Variants in REPS2 observed in about 807,000 individuals in gnomAD.
REPS2 encodes RALBP1 associated Eps domain containing 2.
In REPS2, 23 loss-of-function variants were observed where a neutral mutation model predicts 53.6. The ratio of observed to expected loss-of-function variants is 0.43; its 90% CI spans 0.31 to 0.61. The LOEUF (loss-of-function observed/expected upper bound fraction) is 0.61. Ranked by LOEUF, REPS2 falls within the 20% of genes least tolerant of loss-of-function variation. The probability of loss-of-function intolerance (pLI) is 0.11; values close to 1 mark genes in which losing one functional copy is unlikely to be tolerated. For synonymous variants in REPS2, 238 were observed against 218.6 expected, an observed-to-expected ratio of 1.09 and a Z score of -0.78; for missense variants, 446 against 534.9, an observed-to-expected ratio of 0.83 and a Z score of 1.64.
rs758203012 is a variant in REPS2, at chrX:17,097,026, G to A, written c.1517-6692G>A. ...GTGAAGCTCAAGCAAGTGATAAAAT[G>A]ATGGTAGAGAAATACATGTGCAGAC... On this transcript the variant is annotated intron_variant, in intron 13 of 17. Transcript: ENST00000357277. 3.6e-5 allele frequency among the ~76,000 whole-genome samples: 4 copies of A among 112,258 alleles called. No individual in the cohort carries two copies. In the East Asian group the frequency reaches 8.4e-4, roughly 24 times the overall value.
At chrX:17,103,687 G>T (rs756884325) in intron 13 of REPS2, 31 bp from the exon 14 acceptor site, 1 of 1,189,060 alleles carries the variant, frequency 8.4e-7, no homozygotes, top group African/African-American at 1.8e-5. Flanking sequence ...TTTGGGGGGT[G>T]ATCCTTAATA....
rs758869295 is a variant in REPS2, at chrX:16,986,427, ATTAG to A, written c.274-19788_274-19785del. ...TTTTGTTTCTGTGCTACATACTGGT[ATTAG>A]TTAGTAGGACACTGGGATCTAAAAG... On this transcript the variant is annotated intron_variant, in intron 1 of 17. Coordinates refer to ENST00000357277, the MANE Select transcript of REPS2 (RefSeq NM_004726.3). Among the ~76,000 whole-genome samples, 5 of 112,207 alleles carry A rather than the reference ATTAG, an allele frequency of 4.5e-5. No homozygotes were observed. In the East Asian group the frequency reaches 1.4e-3, roughly 31 times the overall value.
chrX:17,077,128 TGG>T (rs2062391292), intron 12 of REPS2, 141 bp from the exon 13 acceptor site: 1 of 555,905 alleles, frequency 1.8e-6, no homozygotes, highest in African/African-American at 2.3e-5. Flanking sequence ...TGGCATTCAA[TGG>T]GTAATAGAAT....
At chrX:16,983,538 T>C (rs2061048776) in intron 1 of REPS2, among the ~76,000 whole-genome samples, 2 of 112,485 alleles carry the variant, frequency 1.8e-5, no homozygotes, top group Non-Finnish European at 3.8e-5. Context: ...GATCTCACTG[T>C]GTTGCCCAGA....
chrX:17,143,105 T>A (rs2063467665), intron 17 of REPS2, among the ~76,000 whole-genome samples: 1 of 111,615 alleles, frequency 9.0e-6, no homozygotes. Flanking sequence ...TTGACATTCT[T>A]GAAAAGGTAA....
chrX:16,999,222 A>G (rs761294515), intron 1 of REPS2, among the ~76,000 whole-genome samples: 1 of 111,929 alleles, frequency 8.9e-6, no homozygotes, highest in African/African-American at 3.3e-5. Context: ...GACCATATAC[A>G]TGTGTCATTT....
chrX:16,951,031 G>A (rs562293738), intron 1 of REPS2, among the ~76,000 whole-genome samples: 1 of 112,074 alleles, frequency 8.9e-6, no homozygotes, highest in Admixed American at 9.4e-5. Context: ...AGGCAACAGA[G>A]CAAAACCCTG....
Position 16,951,537 on chromosome X carries a change from ACACACACACACACACACACACACC to A in REPS2, c.273+4405_273+4428del, listed in dbSNP as rs1460097816. Among the ~76,000 whole-genome samples, 32 of 54,416 alleles carry A rather than the reference ACACACACACACACACACACACACC, an allele frequency of 5.9e-4. 1 individual carries two copies. The highest frequency in any genetic ancestry group is 1.2e-3 in the South Asian group (1 of 811). 47.3% of individuals were successfully genotyped at this position (54,416 alleles called of 115,157 possible). A position where few individuals can be genotyped will look rare whatever the true frequency, so the allele number is the denominator to read the frequency against. On this transcript the variant is annotated intron_variant, in intron 1 of 17. Transcript: ENST00000357277. ...CACACACACACACACACACACACAC[ACACACACACACACACACACACACC>A]CCCGCTACCTACCTCTCTCTGGGGC... is the stretch of plus-strand genomic sequence containing the variant.
chrX:17,180,115 G>A, the REPS2 span, among the ~76,000 whole-genome samples: 2 of 111,705 alleles, frequency 1.8e-5, no homozygotes, highest in Non-Finnish European at 3.8e-5. Context: ...AGATACATCA[G>A]CAATATATGG....
At chrX:16,965,470 G>A (rs1352981509) in intron 1 of REPS2, among the ~76,000 whole-genome samples, 2 of 111,186 alleles carry the variant, frequency 1.8e-5, no homozygotes, top group Admixed American at 9.3e-5. Flanking sequence ...CTTCTCAGAC[G>A]GGGCAGCTGC....
intron 5 of REPS2, among the ~76,000 whole-genome samples, chrX:17,043,941 C>T (rs990615085): frequency 8.9e-5 from 10 of 112,119 alleles, no homozygotes; most frequent in Non-Finnish European, 1.7e-4. Context: ...AAACATCTTA[C>T]CCCTGAGGAG....
intron 5 of REPS2, chrX:17,044,241 G>T (rs753516469): frequency 6.3e-5 from 7 of 111,762 alleles, no homozygotes; most frequent in African/African-American, 2.0e-4. Context: ...GGCTGACAGG[G>T]ACAGCTAAGC....
chrX:17,007,993 T>C (rs1009047888), intron 2 of REPS2, among the ~76,000 whole-genome samples: 3 of 112,600 alleles, frequency 2.7e-5, no homozygotes, highest in Non-Finnish European at 5.6e-5. Context: ...ATTTTTTCTA[T>C]TTAGTAAGAT....
At chrX:16,971,324 A>G (rs1435593505) in intron 1 of REPS2, among the ~76,000 whole-genome samples, 1 of 112,334 alleles carries the variant, frequency 8.9e-6, no homozygotes, top group Non-Finnish European at 1.9e-5. Context: ...TCGTTTGTCC[A>G]TTTTAAATTG....
chrX:17,063,796 G>T (rs1365489872), intron 9 of REPS2, among the ~76,000 whole-genome samples: 1 of 110,268 alleles, frequency 9.1e-6, no homozygotes, highest in Non-Finnish European at 1.9e-5. Flanking sequence ...TACATCTATG[G>T]CTCTCTGACT....
intron 1 of REPS2, among the ~76,000 whole-genome samples, chrX:16,998,258 A>G (rs920742046): frequency 9.0e-6 from 1 of 111,156 alleles, no homozygotes; most frequent in East Asian, 2.8e-4. Context: ...AAAAAAATGG[A>G]TGATATATCC....
At chrX:17,104,724 A>G (rs985449686) in intron 14 of REPS2, among the ~76,000 whole-genome samples, 2 of 112,130 alleles carry the variant, frequency 1.8e-5, no homozygotes, top group Admixed American at 9.5e-5. Context: ...GCGAAGGGTA[A>G]TAAAAAGCCC....
intron 8 of REPS2, among the ~76,000 whole-genome samples, chrX:17,060,733 G>A (rs6629203): frequency 7.2e-5 from 8 of 111,223 alleles, no homozygotes; most frequent in African/African-American, 2.6e-4. Context: ...AGTGGCTGGC[G>A]TGCACAGAAC....
chrX:17,071,267 G>C (rs969803006), intron 11 of REPS2, among the ~76,000 whole-genome samples: 14 of 111,425 alleles, frequency 1.3e-4, no homozygotes, highest in African/African-American at 3.6e-4. Context: ...TCCAGTTTTT[G>C]TAAACTTCAT....
Sources: allele counts gnomAD v4.1 joint callset (sites outside exome capture counted in the v4.1 genomes callset), GRCh38; gene constraint gnomAD v4.1.1; transcripts MANE v1.5; gene names NCBI Gene and HGNC (gene_info 2026-07-23, HGNC 2026-07-21).